Variants in MPDZ observed in about 807,000 individuals in gnomAD.
MPDZ encodes multiple PDZ domain crumbs cell polarity complex component, also known as multiple PDZ domain protein.
MPDZ carries 234 observed loss-of-function variants against 239.1 expected under a neutral mutation model. That is an observed-to-expected ratio of 0.98 (90% confidence interval 0.88 to 1.09). MPDZ has a LOEUF of 1.09. Ranked by LOEUF, MPDZ falls within the 50% of genes least tolerant of loss-of-function variation. The probability of loss-of-function intolerance (pLI) is 0.00; values close to 1 mark genes in which losing one functional copy is unlikely to be tolerated. For synonymous variants in MPDZ, 1,048 were observed against 881.3 expected, an observed-to-expected ratio of 1.19 and a Z score of -3.35; for missense variants, 3,175 against 2,510.0, an observed-to-expected ratio of 1.26 and a Z score of -5.66.
At chr9:13,244,620 C>T (rs1036898761) in intron 3 of MPDZ, among the ~76,000 whole-genome samples, 2 of 152,152 alleles carry the variant, frequency 1.3e-5, no homozygotes, top group Non-Finnish European at 2.9e-5. Flanking sequence ...TTAAATAGCA[C>T]ATCCCTTCAG....
chr9:13,194,342 T>C (rs1026569630), intron 13 of MPDZ, among the ~76,000 whole-genome samples: 4 of 151,798 alleles, frequency 2.6e-5, no homozygotes, highest in African/African-American at 9.7e-5. Context: ...AAAATGTATA[T>C]ACACCATGGA....
intron 8 of MPDZ, 74 bp from the exon 9 acceptor site, chr9:13,217,368 C>CA (rs1202106215): frequency 6.3e-6 from 6 of 950,874 alleles, no homozygotes; most frequent in Admixed American, 2.8e-5. Flanking sequence ...AACAAACAAA[C>CA]AAAAAAACCA....
intron 22 of MPDZ, among the ~76,000 whole-genome samples, chr9:13,167,474 T>C (rs1445851981): frequency 6.6e-6 from 1 of 152,116 alleles, no homozygotes; most frequent in African/African-American, 2.4e-5. Context: ...CAGCTTTTGT[T>C]ACCTAAGCCC....
intron 3 of MPDZ, among the ~76,000 whole-genome samples, chr9:13,234,472 G>A (rs1248671710): frequency 4.6e-5 from 7 of 151,934 alleles, no homozygotes; most frequent in African/African-American, 1.7e-4. Flanking sequence ...ATTTCATAAA[G>A]CATTTTTTGG....
intron 13 of MPDZ, among the ~76,000 whole-genome samples, chr9:13,194,405 A>T (rs1374338905): frequency 1.3e-5 from 2 of 152,144 alleles, no homozygotes; most frequent in Non-Finnish European, 1.5e-5. Context: ...AGGGACATGG[A>T]TGAAGCTAGA....
Position 13,222,271 on chromosome 9 carries a change from G to C in MPDZ, c.709C>G (p.Pro237Ala). ...GCTGAAATTGTGCTGGCTGCAGATG[G>C]AGAACGGGAAACTATGGGGCTGACA... ...QLVSPIVSRS[P>A]SAASTISAHS... The change falls in exon 6 of 47, where the codon CCA (proline) becomes GCA (alanine). Residue 237 changes from proline (P) to alanine (A), a missense_variant. By Grantham distance (27) the Pro-to-Ala change is conservative. Coordinates refer to ENST00000319217, the MANE Select transcript of MPDZ (RefSeq NM_001378778.1). 1 of 1,612,790 alleles carries C rather than the reference G, an allele frequency of 6.2e-7. No individual in the cohort carries two copies. The highest frequency in any genetic ancestry group is 8.5e-7 in the Non-Finnish European group (1 of 1,179,184).
At chr9:13,120,591 C>A (rs139219000) in intron 38 of MPDZ, 57 of 152,336 alleles carry the variant, frequency 3.7e-4, no homozygotes, top group African/African-American at 1.3e-3. Context: ...CATATTCCCA[C>A]TGACACTCAA....
In MPDZ at chr9:13,112,130, A is replaced by G. The variant is rs1331200305; in HGVS notation, c.5618T>C (p.Leu1873Pro). ...TACTCCTCCAGCGATGCTGATTCCC[A>G]GTGAGTCAGTAGGGCCCTGCCATGG... ...VEMKKGPTDS[L>P]GISIAGGVGS... Residue 1873 changes from leucine to proline, a missense_variant, in exon 43 of 47, where the codon CTG becomes CCG. Transcript: ENST00000319217. The G allele has an allele frequency of 6.2e-7, 1 of 1,612,986 alleles. No individual in the cohort carries two copies. The highest frequency in any genetic ancestry group is 8.5e-7 in the Non-Finnish European group (1 of 1,179,276).
chr9:13,197,559 G>A (rs1199811595), intron 12 of MPDZ, among the ~76,000 whole-genome samples: 1 of 152,080 alleles, frequency 6.6e-6, no homozygotes, highest in Non-Finnish European at 1.5e-5. Context: ...ATCAAATACA[G>A]ATAATTAGGA....
chr9:13,200,873 A>T (rs1018176391), intron 12 of MPDZ, among the ~76,000 whole-genome samples: 6 of 151,956 alleles, frequency 3.9e-5, no homozygotes, highest in African/African-American at 1.5e-4. Flanking sequence ...TGTTGAAAAA[A>T]ATGTGTATTC....
intron 26 of MPDZ, among the ~76,000 whole-genome samples, chr9:13,145,659 A>G (rs1157635599): frequency 6.6e-6 from 1 of 152,054 alleles, no homozygotes; most frequent in Non-Finnish European, 1.5e-5. Flanking sequence ...CTAAAGCAAA[A>G]TAAGTATGAC....
At chr9:13,172,228 C>T (rs1951863181) in intron 21 of MPDZ, among the ~76,000 whole-genome samples, 1 of 151,944 alleles carries the variant, frequency 6.6e-6, no homozygotes, top group African/African-American at 2.4e-5. Flanking sequence ...AATCAAAACG[C>T]CAGGGAGAAA....
At chr9:13,137,686 A>C (rs1017113968) in intron 29 of MPDZ, among the ~76,000 whole-genome samples, 1 of 152,062 alleles carries the variant, frequency 6.6e-6, no homozygotes, top group African/African-American at 2.4e-5. Flanking sequence ...CACAAAACAA[A>C]TGCTTTTGAA....
intron 1 of MPDZ, among the ~76,000 whole-genome samples, chr9:13,270,107 T>C (rs1373563329): frequency 1.3e-5 from 2 of 152,230 alleles, no homozygotes; most frequent in Non-Finnish European, 1.5e-5. Flanking sequence ...ATTTGCTTCT[T>C]AATTAACTCA....
chr9:13,234,122 T>G (rs763191664), intron 3 of MPDZ, among the ~76,000 whole-genome samples: 26 of 152,152 alleles, frequency 1.7e-4, no homozygotes, highest in Admixed American at 2.6e-4. Context: ...TCACACTATT[T>G]TGATATATGC....
chr9:13,157,077 G>T (rs1949917512), intron 24 of MPDZ, among the ~76,000 whole-genome samples: 1 of 152,184 alleles, frequency 6.6e-6, no homozygotes, highest in Admixed American at 6.6e-5. Context: ...TGTGATGGCT[G>T]CAGGTTATCA....
intron 1 of MPDZ, among the ~76,000 whole-genome samples, chr9:13,264,974 C>G (rs1431222794): frequency 6.6e-6 from 1 of 152,184 alleles, no homozygotes; most frequent in East Asian, 1.9e-4. Flanking sequence ...ACACAAGATG[C>G]CAGGCATATT....
At chr9:13,187,602 T>C (rs1178656587) in intron 17 of MPDZ, among the ~76,000 whole-genome samples, 1 of 152,206 alleles carries the variant, frequency 6.6e-6, no homozygotes, top group African/African-American at 2.4e-5. Context: ...TATATTTTAA[T>C]AGGCTACTGA....
rs867690951 is a variant in MPDZ at position 13,222,318 on chromosome 9, G to T, written c.662C>A (p.Ala221Asp). ...KAKDTVQLVI[A>D]RGSLPQLVSP... ...GACAAGCTGAGGCAATGAGCCTCTG[G>T]CAATAACTAGCTGGACAGTATCTTT... The change falls in exon 6 of 47, where the codon GCC becomes GAC. Residue 221 changes from alanine (A) to aspartate (D), a missense_variant. Transcript: ENST00000319217. 2 of 1,612,986 alleles carry T rather than the reference G, an allele frequency of 1.2e-6. No homozygotes were observed. Among genetic ancestry groups the T allele is most frequent in the Non-Finnish European group, 1.7e-6 (2 of 1,179,298 alleles).
Sources: gnomAD v4.1 joint callset for allele counts (sites outside exome capture counted in the v4.1 genomes callset) on GRCh38, gnomAD v4.1.1 for gene constraint, MANE v1.5 for transcripts, NCBI Gene and HGNC (gene_info 2026-07-23, HGNC 2026-07-21) for gene names.